LUZP2: variants seen among roughly 807,000 people sequenced by gnomAD.
The protein encoded by LUZP2 is leucine zipper protein 2.
A neutral mutation model predicts 51.6 loss-of-function variants in LUZP2; 52 were observed. The observed-to-expected ratio is 1.01, with a 90% CI of 0.81 to 1.27. The LOEUF (loss-of-function observed/expected upper bound fraction) is 1.27, where lower values mean the gene tolerates loss of function less well. Among genes scored for constraint, LUZP2 ranks in the 50% most tolerant of loss-of-function variants. LUZP2 has a pLI of 0.00. For synonymous variants in LUZP2, 154 were observed against 137.3 expected (o/e 1.12, Z -0.85); for missense variants, 436 against 395.4 (o/e 1.10, Z -0.87).
At chr11:24,580,754 A>G (rs1014240167) in intron 1 of LUZP2, among the ~76,000 whole-genome samples, 1 of 152,134 alleles carries the variant, frequency 6.6e-6, no homozygotes. Context: ...ATTTTATTCC[A>G]TGTTTATGAA....
At chr11:24,893,655 G>A (rs945716295) in intron 5 of LUZP2, among the ~76,000 whole-genome samples, 6 of 151,894 alleles carry the variant, frequency 4.0e-5, no homozygotes, top group East Asian at 1.9e-4. Flanking sequence ...TATGGAAAGC[G>A]TTTTATTTTC....
At chr11:24,836,584 C>T (rs368797989) in intron 5 of LUZP2, among the ~76,000 whole-genome samples, 66 of 151,878 alleles carry the variant, frequency 4.3e-4, no homozygotes, top group African/African-American at 1.5e-3. Context: ...AATGATCTCT[C>T]TGGTATTTAT....
Position 24,906,048 on chromosome 11 carries a change from G to A in LUZP2, c.454G>A (p.Glu152Lys). Reference sequence around the variant, plus strand: ...AAACAAGCTCTGTGGCATTCACGCAGAAGAGGTGAGTAAATTTTTGCTTCT... The same window carrying A: ...AAACAAGCTCTGTGGCATTCACGCAAAAGAGGTGAGTAAATTTTTGCTTCT... Reference protein sequence around the residue: ...SGNKLCGIHAEESKKIQAQLK... With the variant: ...SGNKLCGIHAKESKKIQAQLK... The change falls in exon 6 of 12, where the codon GAA becomes AAA. Residue 152 changes from glutamate (E) to lysine (K), a missense_variant. Coordinates refer to ENST00000336930, the MANE Select transcript of LUZP2 (RefSeq NM_001009909.4). 3 of 1,611,936 alleles carry A rather than the reference G, an allele frequency of 1.9e-6. No individual in the cohort carries two copies. The highest frequency in any genetic ancestry group is 2.5e-6 in the Non-Finnish European group (3 of 1,178,754).
intron 1 of LUZP2, among the ~76,000 whole-genome samples, chr11:24,601,847 G>GGT (rs1322866209): frequency 8.8e-6 from 1 of 114,250 alleles, no homozygotes; most frequent in South Asian, 2.5e-4. Context: ...CAAATAAACA[G>GGT]GTATATATAT....
chr11:24,759,419 T>C (rs1352592737), intron 4 of LUZP2, among the ~76,000 whole-genome samples: 1 of 152,294 alleles, frequency 6.6e-6, no homozygotes, highest in Non-Finnish European at 1.5e-5. Context: ...CTAATATATT[T>C]TTAATGTTCA....
chr11:24,686,305 C>G (rs1022469977), intron 1 of LUZP2, among the ~76,000 whole-genome samples: 6 of 151,870 alleles, frequency 4.0e-5, no homozygotes, highest in Non-Finnish European at 7.4e-5. Context: ...TTCTCTAGGT[C>G]ATATTCTCCA....
At chr11:24,913,879 G>A (rs937898617) in intron 6 of LUZP2, among the ~76,000 whole-genome samples, 1 of 151,982 alleles carries the variant, frequency 6.6e-6, no homozygotes, top group African/African-American at 2.4e-5. Context: ...TGACTTAAGG[G>A]ACCGTAATTA....
In LUZP2 at chr11:24,509,369, T is replaced by C. The variant is rs77992569; in HGVS notation, c.62+12064T>C. 4.6e-5 allele frequency among the ~76,000 whole-genome samples: 7 copies of C among 151,984 alleles called. No individual in the cohort carries two copies. The East Asian group carries it at 1.4e-3, about 29-fold the overall frequency. On this transcript the variant is annotated intron_variant, in intron 1 of 11. Coordinates refer to ENST00000336930, the MANE Select transcript of LUZP2 (RefSeq NM_001009909.4). ...AACTGTTCTAGAATTAACTCATTCA[T>C]AGACTGATACACTTGCCTCGAAATT...
intron 5 of LUZP2, among the ~76,000 whole-genome samples, chr11:24,798,985 C>T (rs1000542035): frequency 6.6e-6 from 1 of 152,064 alleles, no homozygotes; most frequent in Non-Finnish European, 1.5e-5. Flanking sequence ...TTTTGAGGCA[C>T]ACAAAATTTA....
chr11:24,618,775 G>A (rs1854385267), intron 1 of LUZP2, among the ~76,000 whole-genome samples: 1 of 152,060 alleles, frequency 6.6e-6, no homozygotes, highest in African/African-American at 2.4e-5. Flanking sequence ...GCTTTTAGTT[G>A]TATTTACTGG....
chr11:24,917,247 G>A (rs1408816629), intron 7 of LUZP2, among the ~76,000 whole-genome samples: 2 of 152,082 alleles, frequency 1.3e-5, no homozygotes, highest in African/African-American at 4.8e-5. Flanking sequence ...TTTGACAGAT[G>A]AGTAGATTGC....
intron 9 of LUZP2, among the ~76,000 whole-genome samples, chr11:25,034,409 A>G (rs549952360): frequency 1.3e-5 from 2 of 152,168 alleles, no homozygotes; most frequent in East Asian, 3.9e-4. Flanking sequence ...TCTATGCAGA[A>G]GTTCTTTAGT....
intron 9 of LUZP2, among the ~76,000 whole-genome samples, chr11:24,983,494 T>C (rs556746471): frequency 1.6e-4 from 24 of 151,892 alleles, no homozygotes; most frequent in Admixed American, 2.6e-4. Context: ...TTTTCTTTCA[T>C]AGAGAGCCTA....
At chr11:24,631,223 A>G (rs1202471849) in intron 1 of LUZP2, among the ~76,000 whole-genome samples, 1 of 151,370 alleles carries the variant, frequency 6.6e-6, no homozygotes, top group Non-Finnish European at 1.5e-5. Flanking sequence ...TTCCAGTACT[A>G]TGTTGAAAAT....
intron 1 of LUZP2, among the ~76,000 whole-genome samples, chr11:24,630,513 A>G (rs1472878679): frequency 6.6e-6 from 1 of 151,890 alleles, no homozygotes; most frequent in African/African-American, 2.4e-5. Context: ...ATGTTGCTTT[A>G]TTTCTGGGTG....
intron 3 of LUZP2, among the ~76,000 whole-genome samples, chr11:24,736,786 A>G (rs76179426): frequency 3.3e-5 from 5 of 152,130 alleles, no homozygotes; most frequent in Admixed American, 6.6e-5. Context: ...AAGTCTGATA[A>G]ATGAAACCAG....
chr11:24,677,044 A>G (rs1283292129), intron 1 of LUZP2, among the ~76,000 whole-genome samples: 1 of 152,196 alleles, frequency 6.6e-6, no homozygotes, highest in Non-Finnish European at 1.5e-5. Flanking sequence ...TTCATGGTGA[A>G]TATAAGCAAG....
At chr11:24,912,978 T>A (rs755461468) in intron 6 of LUZP2, among the ~76,000 whole-genome samples, 2 of 152,196 alleles carry the variant, frequency 1.3e-5, no homozygotes, top group African/African-American at 2.4e-5. Context: ...TTTACTAGCA[T>A]GTAATAGTGA....
chr11:24,521,452 C>A (rs1271585601), intron 1 of LUZP2, among the ~76,000 whole-genome samples: 1 of 151,098 alleles, frequency 6.6e-6, no homozygotes, highest in Non-Finnish European at 1.5e-5. Flanking sequence ...TTAAAAGAAG[C>A]AGGACTCAGT....
Sources: gnomAD v4.1 joint callset for allele counts (sites outside exome capture counted in the v4.1 genomes callset) on GRCh38, gnomAD v4.1.1 for gene constraint, MANE v1.5 for transcripts, NCBI Gene and HGNC (gene_info 2026-07-23, HGNC 2026-07-21) for gene names.